Variants in ETV6 observed in about 807,000 individuals in gnomAD.
The protein encoded by ETV6 is ETS variant transcription factor 6, also known as transcription factor ETV6.
ETV6 carries 16 observed loss-of-function variants against 51.1 expected under a neutral mutation model. The observed-to-expected ratio is 0.31, with a 90% CI of 0.21 to 0.48. The LOEUF is 0.48. Ranked by LOEUF, ETV6 falls within the 20% of genes least tolerant of loss-of-function variation. The pLI, the probability that ETV6 is intolerant of heterozygous loss-of-function variation, is 0.99. For synonymous variants in ETV6, 240 were observed against 224.1 expected (o/e 1.07, Z -0.64); for missense variants, 458 against 594.8 (o/e 0.77, Z 2.39).
intron 1 of ETV6, among the ~76,000 whole-genome samples, chr12:11,750,265 A>T (rs1034095002): frequency 6.6e-6 from 1 of 152,246 alleles, no homozygotes; most frequent in Admixed American, 6.5e-5. Flanking sequence ...AGTAAATTAC[A>T]GTATATACAC....
intron 1 of ETV6, among the ~76,000 whole-genome samples, chr12:11,739,443 A>G (rs1299650626): frequency 1.3e-5 from 2 of 152,220 alleles, no homozygotes; most frequent in African/African-American, 4.8e-5. Flanking sequence ...GAGAGATGGG[A>G]TTCTTAATTT....
chr12:11,892,621 C>A lies in ETV6; in HGVS notation c.*1575C>A. The A allele has an allele frequency of 4.3e-6, 1 of 232,856 alleles. No individual in the cohort carries two copies. Among genetic ancestry groups the A allele is most frequent in the Non-Finnish European group, 8.5e-6 (1 of 117,896 alleles). 14.4% of individuals were successfully genotyped at this position (232,856 alleles called of 1,614,324 possible). A position where few individuals can be genotyped will look rare whatever the true frequency, so the allele number is the denominator to read the frequency against. ...CAGATTACACCTGCCTTACAAAGCA[C>A]CCCCTCCTTGTTCCCCTCTGTTTCC... On this transcript the variant is annotated 3_prime_UTR_variant, in exon 8 of 8. Coordinates refer to ENST00000396373, the MANE Select transcript of ETV6 (RefSeq NM_001987.5).
chr12:11,754,744 C>T lies in ETV6; in HGVS notation c.163+2165C>T, dbSNP rs78579059. Among the ~76,000 whole-genome samples the T allele has an allele frequency of 3.0e-3, 450 of 152,326 alleles. 2 individuals carry two copies. The highest frequency in any genetic ancestry group is 5.4e-3 in the Non-Finnish European group (366 of 68,022). On this transcript the variant is annotated intron_variant, in intron 2 of 7. Transcript: ENST00000396373. ...TTGAGTAGACAGTTTCCTTATTGAG[C>T]CGTGTCTGTGCTGCTTACCAGCATT...
At chr12:11,818,229 G>C (rs558290966) in intron 2 of ETV6, among the ~76,000 whole-genome samples, 1 of 152,280 alleles carries the variant, frequency 6.6e-6, no homozygotes, top group Admixed American at 6.5e-5. Context: ...ATTCAAAAGA[G>C]CAGTGGGGCT....
chr12:11,775,425 A>G (rs1394251373), intron 2 of ETV6, among the ~76,000 whole-genome samples: 1 of 152,246 alleles, frequency 6.6e-6, no homozygotes, highest in Non-Finnish European at 1.5e-5. Context: ...CCATAAGTCA[A>G]ATACAGACAC....
chr12:11,784,702 T>C (rs1027999983), intron 2 of ETV6, among the ~76,000 whole-genome samples: 1 of 151,134 alleles, frequency 6.6e-6, no homozygotes, highest in Non-Finnish European at 1.5e-5. Flanking sequence ...ACTGTAAAGA[T>C]ACTGTGTTTT....
chr12:11,744,839 T>C (rs987366524), intron 1 of ETV6, among the ~76,000 whole-genome samples: 1 of 151,928 alleles, frequency 6.6e-6, no homozygotes, highest in Non-Finnish European at 1.5e-5. Flanking sequence ...AACCACAGCC[T>C]GACGTGACAA....
At chr12:11,761,653 G>T (rs1341329705) in intron 2 of ETV6, among the ~76,000 whole-genome samples, 1 of 152,192 alleles carries the variant, frequency 6.6e-6, no homozygotes, top group Non-Finnish European at 1.5e-5. Flanking sequence ...GCCAGAACAC[G>T]CTACAACAGG....
chr12:11,724,351 C>T (rs1392030760), intron 1 of ETV6, among the ~76,000 whole-genome samples: 1 of 152,188 alleles, frequency 6.6e-6, no homozygotes, highest in African/African-American at 2.4e-5. Context: ...GTTCGTGGAT[C>T]CTTAGTATTT....
At chr12:11,655,322 G>T (rs1863981098) in intron 1 of ETV6, among the ~76,000 whole-genome samples, 1 of 152,070 alleles carries the variant, frequency 6.6e-6, no homozygotes, top group Non-Finnish European at 1.5e-5. Flanking sequence ...ATGTGTGTTG[G>T]GAACCAATCT....
intron 4 of ETV6, among the ~76,000 whole-genome samples, chr12:11,860,637 C>A (rs1398981267): frequency 6.6e-6 from 1 of 151,864 alleles, no homozygotes; most frequent in Non-Finnish European, 1.5e-5. Context: ...GCCAAGCATT[C>A]GGTAAATGTT....
intron 1 of ETV6, chr12:11,750,932 G>A: frequency 2.2e-6 from 1 of 460,066 alleles, no homozygotes; most frequent in East Asian, 5.6e-5. Flanking sequence ...TGAAAGTTTT[G>A]CCTCTGGGTG....
chr12:11,854,312 C>T (rs1946600335), intron 4 of ETV6, among the ~76,000 whole-genome samples: 1 of 152,148 alleles, frequency 6.6e-6, no homozygotes, highest in African/African-American at 2.4e-5. Flanking sequence ...GATGAAGCTT[C>T]ACTCACTTGC....
chr12:11,867,182 C>T (rs928456831), intron 4 of ETV6, among the ~76,000 whole-genome samples: 7 of 152,228 alleles, frequency 4.6e-5, no homozygotes, highest in African/African-American at 9.6e-5. Context: ...CATTTCTACC[C>T]GTAAGAAGGT....
At chr12:11,871,209 T>A (rs1946876100) in intron 5 of ETV6, among the ~76,000 whole-genome samples, 1 of 150,902 alleles carries the variant, frequency 6.6e-6, no homozygotes, top group South Asian at 2.1e-4. Context: ...TTTTTTTTTT[T>A]TTTTTTCCAC....
In ETV6 at chr12:11,893,952, G is replaced by T. The variant is rs988537720; in HGVS notation, c.*2906G>T. 5.1e-5 allele frequency: 11 copies of T among 216,040 alleles called. No individual in the cohort carries two copies. The highest frequency in any genetic ancestry group is 2.3e-4 in the African/African-American group (10 of 44,176). 13.4% of individuals were successfully genotyped at this position (216,040 alleles called of 1,614,324 possible). A position where few individuals can be genotyped will look rare whatever the true frequency, so the allele number is the denominator to read the frequency against. On this transcript the variant is annotated 3_prime_UTR_variant, in exon 8 of 8. Transcript: ENST00000396373. Reference sequence around the variant, plus strand: ...CATTTCAGATAAGGGATATCAATCTGTACTACCAATAAGGATTTCGTAATT... The same window carrying T: ...CATTTCAGATAAGGGATATCAATCTTTACTACCAATAAGGATTTCGTAATT...
intron 1 of ETV6, among the ~76,000 whole-genome samples, chr12:11,711,779 A>G (rs953110855): frequency 6.6e-6 from 1 of 152,212 alleles, no homozygotes; most frequent in Non-Finnish European, 1.5e-5. Context: ...CATGATTTGT[A>G]CGTCATTTCC....
intron 2 of ETV6, among the ~76,000 whole-genome samples, chr12:11,802,631 A>G (rs1244389038): frequency 6.6e-6 from 1 of 152,236 alleles, no homozygotes. Context: ...TATGTCTTGC[A>G]GGACGACCAA....
At chr12:11,788,141 C>T (rs1324581771) in intron 2 of ETV6, among the ~76,000 whole-genome samples, 1 of 152,184 alleles carries the variant, frequency 6.6e-6, no homozygotes, top group East Asian at 1.9e-4. Flanking sequence ...TTCTTAGTCC[C>T]CAGGCAGTTC....
Sources: allele counts gnomAD v4.1 joint callset (sites outside exome capture counted in the v4.1 genomes callset), GRCh38; gene constraint gnomAD v4.1.1; transcripts MANE v1.5; gene names NCBI Gene and HGNC (gene_info 2026-07-23, HGNC 2026-07-21).